Variants in CNTNAP5 observed in about 807,000 individuals in gnomAD.
CNTNAP5 encodes the protein contactin-associated protein-like 5.
CNTNAP5 carries 72 observed loss-of-function variants against 150.2 expected under a neutral mutation model. The ratio of observed to expected loss-of-function variants is 0.48; its 90% CI spans 0.40 to 0.58. CNTNAP5 has a LOEUF of 0.58. Ranked by LOEUF, CNTNAP5 falls within the 20% of genes least tolerant of loss-of-function variation. The pLI, the probability that CNTNAP5 is intolerant of heterozygous loss-of-function variation, is 0.00. For synonymous variants in CNTNAP5, 672 were observed against 619.8 expected, an observed-to-expected ratio of 1.08 and a Z score of -1.25; for missense variants, 1,636 against 1,626.2, an observed-to-expected ratio of 1.01 and a Z score of -0.10.
intron 1 of CNTNAP5, among the ~76,000 whole-genome samples, chr2:124,196,113 C>T (rs1360761313): frequency 2.0e-5 from 3 of 151,750 alleles, no homozygotes; most frequent in African/African-American, 4.8e-5. Context: ...AAAAAATGCC[C>T]AAGGGAAGAA....
At chr2:124,674,538 T>C (rs138134384) in intron 13 of CNTNAP5, among the ~76,000 whole-genome samples, 23,281 of 133,454 alleles carry the variant, frequency 0.17, 2,385 homozygotes, top group African/African-American at 0.3. Context: ...TTTCTTTCTT[T>C]CTTTCTTTCT....
intron 13 of CNTNAP5, among the ~76,000 whole-genome samples, chr2:124,723,041 A>C (rs1273509131): frequency 6.6e-6 from 1 of 152,088 alleles, no homozygotes; most frequent in African/African-American, 2.4e-5. Context: ...TTCCAGCCAT[A>C]CTTACTGTGT....
At chr2:124,828,928 A>G (rs1386664631) in intron 19 of CNTNAP5, among the ~76,000 whole-genome samples, 2 of 151,966 alleles carry the variant, frequency 1.3e-5, no homozygotes, top group Admixed American at 1.3e-4. Flanking sequence ...GTGGGGGTTC[A>G]GTAAATGCAA....
chr2:124,178,450 C>G (rs1685121919), intron 1 of CNTNAP5, among the ~76,000 whole-genome samples: 1 of 152,204 alleles, frequency 6.6e-6, no homozygotes, highest in Admixed American at 6.5e-5. Flanking sequence ...AGGCTGAGCA[C>G]TCTAATTATA....
chr2:124,805,323 GTA>G lies in CNTNAP5; in HGVS notation c.3217+7008_3217+7009del, dbSNP rs1368132692. ...AAAATAGAGAGGGGTGTGTGTGTGT[GTA>G]TATAGAGAGAGAGCTATAATAACTA... On this transcript the variant is annotated intron_variant, in intron 19 of 23. Transcript: ENST00000682447. Among the ~76,000 whole-genome samples the G allele has an allele frequency of 4.6e-5, 7 of 152,110 alleles. No homozygotes were observed. In the East Asian group the frequency reaches 1.3e-3, roughly 29 times the overall value.
At chr2:124,281,388 G>A (rs1688008723) in intron 3 of CNTNAP5, among the ~76,000 whole-genome samples, 1 of 152,124 alleles carries the variant, frequency 6.6e-6, no homozygotes, top group African/African-American at 2.4e-5. Context: ...TATCCCTTGA[G>A]AAAGTGATGG....
At chr2:124,080,514 T>C (rs1682535814) in intron 1 of CNTNAP5, among the ~76,000 whole-genome samples, 1 of 152,218 alleles carries the variant, frequency 6.6e-6, no homozygotes, top group Non-Finnish European at 1.5e-5. Context: ...GGGTGTGTTC[T>C]GTTTATGTAA....
intron 18 of CNTNAP5, among the ~76,000 whole-genome samples, chr2:124,793,895 TA>T (rs1382144008): frequency 6.6e-6 from 1 of 152,190 alleles, no homozygotes; most frequent in Non-Finnish European, 1.5e-5. Context: ...TAATTATTTA[TA>T]AAATTTATTT....
chr2:124,154,790 G>C (rs186269325), intron 1 of CNTNAP5, among the ~76,000 whole-genome samples: 1 of 152,098 alleles, frequency 6.6e-6, no homozygotes, highest in Non-Finnish European at 1.5e-5. Context: ...AAGCCCAGGG[G>C]TTCTTCTCCT....
At chr2:124,718,426 T>C (rs1382596583) in intron 13 of CNTNAP5, among the ~76,000 whole-genome samples, 1 of 152,180 alleles carries the variant, frequency 6.6e-6, no homozygotes, top group Non-Finnish European at 1.5e-5. Flanking sequence ...CCTTTATTTT[T>C]CCTATTTCTC....
At chr2:124,475,812 A>G (rs1200802073) in intron 7 of CNTNAP5, among the ~76,000 whole-genome samples, 1 of 152,100 alleles carries the variant, frequency 6.6e-6, no homozygotes, top group Non-Finnish European at 1.5e-5. Flanking sequence ...AACAACAAAT[A>G]GTTGGGTCAT....
At chr2:124,727,310 G>T (rs1053720793) in intron 13 of CNTNAP5, among the ~76,000 whole-genome samples, 1 of 151,864 alleles carries the variant, frequency 6.6e-6, no homozygotes, top group African/African-American at 2.4e-5. Context: ...ACTATTCAGG[G>T]TCTTTTGTGG....
At chr2:124,240,661 A>C (rs1385991154) in intron 2 of CNTNAP5, among the ~76,000 whole-genome samples, 2 of 56,644 alleles carry the variant, frequency 3.5e-5, no homozygotes, top group Non-Finnish European at 8.0e-5. Flanking sequence ...AATGGTGAGA[A>C]AAAAAAAAAG....
intron 7 of CNTNAP5, among the ~76,000 whole-genome samples, chr2:124,486,288 T>C (rs1206346587): frequency 1.3e-5 from 2 of 151,958 alleles, no homozygotes; most frequent in Admixed American, 6.6e-5. Flanking sequence ...AAAACGGACT[T>C]TGGGGACTTG....
At chr2:124,282,484 A>C (rs1015155651) in intron 3 of CNTNAP5, among the ~76,000 whole-genome samples, 2 of 152,164 alleles carry the variant, frequency 1.3e-5, no homozygotes, top group African/African-American at 4.8e-5. Flanking sequence ...GTTCTGACTG[A>C]TGCAGATCTC....
In CNTNAP5 at chr2:124,252,802, T is replaced by A. The variant is rs549055971; in HGVS notation, c.381+10409T>A. Reference sequence around the variant, plus strand: ...AAGTAACTGCATAATTATAAAAAAATTTGAGGTATTAAAGTTTGCAAAATC... The same window carrying A: ...AAGTAACTGCATAATTATAAAAAAAATTGAGGTATTAAAGTTTGCAAAATC... On this transcript the variant is annotated intron_variant, in intron 3 of 23. Coordinates refer to ENST00000682447, the MANE Select transcript of CNTNAP5 (RefSeq NM_001367498.1). 5.3e-5 allele frequency among the ~76,000 whole-genome samples: 8 copies of A among 152,224 alleles called. No individual in the cohort carries two copies. In the South Asian group the frequency reaches 1.4e-3, roughly 28 times the overall value.
Position 124,910,748 on chromosome 2 carries a change from A to T in CNTNAP5, c.3656-719A>T, listed in dbSNP as rs139576047. On this transcript the variant is annotated intron_variant, in intron 22 of 23. Transcript: ENST00000682447. ...GTAGTCATTTTCCAATGATCAAATGATACAACAATAATAATCATAGTGGCT... is the reference window on the plus strand; with the variant it reads ...GTAGTCATTTTCCAATGATCAAATGTTACAACAATAATAATCATAGTGGCT... 2.0e-3 allele frequency among the ~76,000 whole-genome samples: 305 copies of T among 152,198 alleles called. 3 individuals carry two copies. The highest frequency in any genetic ancestry group is 6.6e-3 in the African/African-American group (275 of 41,562).
intron 21 of CNTNAP5, among the ~76,000 whole-genome samples, chr2:124,879,851 G>A (rs956211871): frequency 1.3e-5 from 2 of 152,058 alleles, no homozygotes; most frequent in Non-Finnish European, 2.9e-5. Context: ...AAATGTCAAT[G>A]TTGACAAGGT....
At chr2:124,119,786 AATAAAGTCT>A (rs1683517590) in intron 1 of CNTNAP5, among the ~76,000 whole-genome samples, 1 of 152,204 alleles carries the variant, frequency 6.6e-6, no homozygotes, top group African/African-American at 2.4e-5. Flanking sequence ...CATTTTATTT[AATAAAGTCT>A]AAACCTCAAA....
Sources: allele counts gnomAD v4.1 joint callset (sites outside exome capture counted in the v4.1 genomes callset), GRCh38; gene constraint gnomAD v4.1.1; transcripts MANE v1.5; gene names NCBI Gene and HGNC (gene_info 2026-07-23, HGNC 2026-07-21).